Variants in RNF19B observed in about 807,000 individuals in gnomAD.
RNF19B encodes ring finger protein 19B, also known as E3 ubiquitin-protein ligase RNF19B.
In RNF19B, 23 loss-of-function variants were observed where a neutral mutation model predicts 65.5. The ratio of observed to expected loss-of-function variants is 0.35; its 90% confidence interval spans 0.25 to 0.50. The LOEUF (loss-of-function observed/expected upper bound fraction) is 0.50, where lower values mean the gene tolerates loss of function less well. RNF19B is among the 20% of genes least tolerant of loss of function. RNF19B has a pLI of 0.98. For synonymous variants in RNF19B, 372 were observed against 379.6 expected, an observed-to-expected ratio of 0.98 and a Z score of 0.23; for missense variants, 794 against 980.0, an observed-to-expected ratio of 0.81 and a Z score of 2.53.
chr1:32,931,037 G>A, the RNF19B span, among the ~76,000 whole-genome samples: 4 of 151,516 alleles, frequency 2.6e-5, no homozygotes, highest in African/African-American at 9.7e-5. Context: ...GCAGTGAGCC[G>A]AGATTGCGCC....
At position 32,946,406 on chromosome 1, in the gene RNF19B, C is replaced by A; in HGVS notation, c.1142G>T (p.Arg381Met). 6.2e-7 allele frequency: 1 copy of A among 1,613,574 alleles called. No homozygotes were observed. The highest frequency in any genetic ancestry group is 8.5e-7 in the Non-Finnish European group (1 of 1,179,744). Reference sequence around the variant, plus strand: ...AAACCAGCATGTCTTTCTTACCTTCCTTCCAACATAAACAGGAATGCCAAT... The same window carrying A: ...AAACCAGCATGTCTTTCTTACCTTCATTCCAACATAAACAGGAATGCCAAT... ...MVIGIPVYVG[R>M]KIHSRYEGRK... The change falls in exon 4 of 9, where the codon AGG (arginine) becomes ATG (methionine). Residue 381 changes from arginine (R) to methionine (M), a missense_variant. Arg to Met is a moderately conservative substitution (Grantham distance 91). This residue lies in a region of RNF19B where 368 missense variants were observed against 447.3 expected (regional missense o/e 0.82). Coordinates refer to ENST00000235150, the MANE Select transcript of RNF19B (RefSeq NM_001300826.2).
At chr1:32,940,984 G>T (rs1013638734) in intron 7 of RNF19B, among the ~76,000 whole-genome samples, 1 of 152,176 alleles carries the variant, frequency 6.6e-6, no homozygotes. Context: ...AGCACGTTGG[G>T]AGCCAAGTTG....
At chr1:32,960,841 A>T (rs1239624472) in intron 1 of RNF19B, among the ~76,000 whole-genome samples, 2 of 151,638 alleles carry the variant, frequency 1.3e-5, no homozygotes, top group African/African-American at 4.9e-5. Flanking sequence ...TACAAATAAT[A>T]ATAATAATAT....
At chr1:32,955,984 C>A (rs1202480219) in intron 1 of RNF19B, among the ~76,000 whole-genome samples, 2 of 152,150 alleles carry the variant, frequency 1.3e-5, no homozygotes, top group South Asian at 4.1e-4. Flanking sequence ...AACCCCAGAA[C>A]TTTGTCAGGC....
rs1201853342 is a variant in RNF19B at position 32,948,303 on chromosome 1, C to G, written c.902G>C (p.Cys301Ser). Residue 301 changes from cysteine to serine, a missense_variant, in exon 3 of 9, where the codon TGT (cysteine) becomes TCT (serine). Coordinates refer to ENST00000235150, the MANE Select transcript of RNF19B (RefSeq NM_001300826.2). ...ACACACTGCACAGGTCATGTGATTACAGCTTCCATCATTCATCTTGATAAT... is the reference window on the plus strand; with the variant it reads ...ACACACTGCACAGGTCATGTGATTAGAGCTTCCATCATTCATCTTGATAAT... Reference protein sequence around the residue: ...AYIIKMNDGSCNHMTCAVCGC... With the variant: ...AYIIKMNDGSSNHMTCAVCGC... 6.2e-7 allele frequency: 1 copy of G among 1,614,144 alleles called. No homozygotes were observed. The highest frequency in any genetic ancestry group is 8.5e-7 in the Non-Finnish European group (1 of 1,180,002).
chr1:32,943,138 C>T (rs1156772160), intron 6 of RNF19B, among the ~76,000 whole-genome samples: 1 of 126,676 alleles, frequency 7.9e-6, no homozygotes, highest in Non-Finnish European at 1.7e-5. Context: ...AAGACTCCGT[C>T]TCAAAAAAAA....
intron 7 of RNF19B, 29 bp from the exon 8 acceptor site, chr1:32,938,557 T>C (rs374039019): frequency 1.5e-5 from 24 of 1,609,992 alleles, no homozygotes; most frequent in African/African-American, 9.3e-5. Context: ...TTCAAGTTAA[T>C]ATGAGACCTG....
downstream of RNF19B, among the ~76,000 whole-genome samples, chr1:32,933,765 G>T (rs543217318): frequency 6.6e-6 from 1 of 151,932 alleles, no homozygotes; most frequent in Non-Finnish European, 1.5e-5. Flanking sequence ...AAAAACATGG[G>T]CCTTTACCAA....
intron 1 of RNF19B, among the ~76,000 whole-genome samples, chr1:32,954,237 A>C (rs1642581589): frequency 6.6e-6 from 1 of 151,618 alleles, no homozygotes; most frequent in Admixed American, 6.6e-5. Context: ...CTTGAAAAAG[A>C]AGAACATTGG....
chr1:32,942,767 C>T (rs992217800), intron 6 of RNF19B, among the ~76,000 whole-genome samples: 1 of 152,190 alleles, frequency 6.6e-6, no homozygotes, highest in African/African-American at 2.4e-5. Flanking sequence ...TACACTGTTG[C>T]TTCCATGTAA....
At chr1:32,963,801 C>A (rs2124199273) in intron 1 of RNF19B, among the ~76,000 whole-genome samples, 1 of 152,338 alleles carries the variant, frequency 6.6e-6, no homozygotes, top group South Asian at 2.1e-4. Context: ...CCGCCTCTCC[C>A]TGTCTCCTAA....
At chr1:32,956,596 A>T (rs1372219200) in intron 1 of RNF19B, among the ~76,000 whole-genome samples, 2 of 152,254 alleles carry the variant, frequency 1.3e-5, no homozygotes, top group East Asian at 3.9e-4. Context: ...AAAATAATAA[A>T]AAAGAAAAAG....
chr1:32,955,881 T>C (rs942024569), intron 1 of RNF19B, among the ~76,000 whole-genome samples: 2 of 152,126 alleles, frequency 1.3e-5, no homozygotes, highest in African/African-American at 4.8e-5. Flanking sequence ...AACCAATCAG[T>C]CAGGCTTGCT....
chr1:32,944,250 T>C (rs575036338), intron 5 of RNF19B, 91 bp from the exon 6 acceptor site: 2 of 1,406,226 alleles, frequency 1.4e-6, no homozygotes, highest in South Asian at 1.4e-5. Context: ...CAAACCACTT[T>C]ATAAAGAAAG....
downstream of RNF19B, among the ~76,000 whole-genome samples, chr1:32,934,403 G>A (rs1023218660): frequency 7.9e-5 from 12 of 152,210 alleles, no homozygotes; most frequent in Admixed American, 2.6e-4. Flanking sequence ...TCTGAGGGCC[G>A]GGCGAGGTGG....
At chr1:32,947,778 G>A (rs190965668) in intron 3 of RNF19B, among the ~76,000 whole-genome samples, 18 of 152,076 alleles carry the variant, frequency 1.2e-4, no homozygotes, top group Admixed American at 5.2e-4. Flanking sequence ...AGATAAGATA[G>A]GTACGTGAAG....
At chr1:32,941,154 T>C (rs560326751) in intron 7 of RNF19B, among the ~76,000 whole-genome samples, 148 of 152,092 alleles carry the variant, frequency 9.7e-4, no homozygotes, top group African/African-American at 3.4e-3. Flanking sequence ...GTCCAGGAAG[T>C]TGAGGCTGCA....
chr1:32,964,042 C>A lies in RNF19B; in HGVS notation c.635+9G>T. On this transcript the variant is annotated intron_variant, in intron 1 of 8. Transcript: ENST00000235150. The surrounding 1 kb of genome is among the most constrained non-coding windows in gnomAD (Gnocchi z 6.5). ...CCCGCCGCCACCCGCGCCACGCCCC[C>A]GCGCTCACCCGCAGTCCGGGGCCGG... 2 of 1,469,932 alleles carry A rather than the reference C, an allele frequency of 1.4e-6. No homozygotes were observed. Among genetic ancestry groups the A allele is most frequent in the East Asian group, 2.9e-5 (1 of 34,744 alleles). The allele number at this position is 1,469,932 out of a possible 1,614,324, so 91.1% of individuals were successfully genotyped here. A position where few individuals can be genotyped will look rare whatever the true frequency, so the allele number is the denominator to read the frequency against.
Position 32,946,485 on chromosome 1 carries a change from C to G in RNF19B, c.1063G>C (p.Gly355Arg). ...ATGAGAGAAATCCCCACTGGAGCAC[C>G]AATCAACGTGCCCAGCTGCCAAAGA... Reference protein sequence around the residue: ...KILWQLGTLIGAPVGISLIAG... With the variant: ...KILWQLGTLIRAPVGISLIAG... Residue 355 changes from glycine (G) to arginine (R), a missense_variant, in exon 4 of 9, where the codon GGT becomes CGT. Physicochemically the swap from Gly to Arg is moderately radical, Grantham distance 125. Coordinates refer to ENST00000235150, the MANE Select transcript of RNF19B (RefSeq NM_001300826.2). The G allele has an allele frequency of 6.2e-7, 1 of 1,613,968 alleles. No individual in the cohort carries two copies. The highest frequency in any genetic ancestry group is 8.5e-7 in the Non-Finnish European group (1 of 1,179,858).
Sources: gnomAD v4.1 joint callset for allele counts (sites outside exome capture counted in the v4.1 genomes callset) on GRCh38, gnomAD v4.1.1 for gene constraint, gnomAD v4.1.1 regional missense constraint, Gnocchi (gnomAD v3.1) non-coding constraint, MANE v1.5 for transcripts, NCBI Gene and HGNC (gene_info 2026-07-23, HGNC 2026-07-21) for gene names.